The following CEP126 variants were observed in gnomAD, a reference collection of about 807,000 sequenced individuals.
CEP126 encodes the protein centrosomal protein of 126 kDa.
Under a neutral mutation model 107.8 loss-of-function variants are expected in CEP126, and 74 were observed. That is an observed-to-expected ratio of 0.69 (90% confidence interval 0.57 to 0.83). The LOEUF is 0.83. Ranked by LOEUF, CEP126 falls within the 40% of genes least tolerant of loss-of-function variation. The pLI, the probability that CEP126 is intolerant of heterozygous loss-of-function variation, is 0.00. For synonymous variants in CEP126, 449 were observed against 446.0 expected, an observed-to-expected ratio of 1.01 and a Z score of -0.08; for missense variants, 1,237 against 1,281.9, an observed-to-expected ratio of 0.96 and a Z score of 0.53.
intron 6 of CEP126, among the ~76,000 whole-genome samples, chr11:101,977,903 C>T (rs999040626): frequency 4.6e-5 from 7 of 152,158 alleles, no homozygotes; most frequent in Admixed American, 4.6e-4. Flanking sequence ...GGAATTTTAA[C>T]TCTTCTTTTA....
chr11:101,922,411 C>T (rs886639962), intron 1 of CEP126, among the ~76,000 whole-genome samples: 6 of 152,044 alleles, frequency 3.9e-5, no homozygotes, highest in African/African-American at 1.4e-4. Context: ...GATCTTTCTG[C>T]CTCAGCCTCC....
At chr11:101,987,673 A>C (rs1941331399) in intron 9 of CEP126, among the ~76,000 whole-genome samples, 1 of 152,106 alleles carries the variant, frequency 6.6e-6, no homozygotes, top group Admixed American at 6.5e-5. Flanking sequence ...TCTAAAAAAA[A>C]AAAAAAGGCT....
At chr11:101,939,126 CT>C (rs1462694548) in intron 2 of CEP126, among the ~76,000 whole-genome samples, 1 of 152,058 alleles carries the variant, frequency 6.6e-6, no homozygotes, top group Non-Finnish European at 1.5e-5. Context: ...CTTACTGATA[CT>C]TTTTTCCAGA....
At chr11:101,949,339 CATATT>C (rs1940779631) in intron 4 of CEP126, among the ~76,000 whole-genome samples, 1 of 152,170 alleles carries the variant, frequency 6.6e-6, no homozygotes, top group African/African-American at 2.4e-5. Flanking sequence ...TCTTTTTAAA[CATATT>C]ATTCCAATCC....
At chr11:101,947,005 A>G (rs193074749) in intron 3 of CEP126, among the ~76,000 whole-genome samples, 1 of 152,296 alleles carries the variant, frequency 6.6e-6, no homozygotes, top group Admixed American at 6.5e-5. Context: ...TCAGCAGACT[A>G]TCCTGTAGCT....
intron 2 of CEP126, among the ~76,000 whole-genome samples, chr11:101,942,663 T>C (rs371909837): frequency 6.6e-6 from 1 of 151,714 alleles, no homozygotes; most frequent in South Asian, 2.1e-4. Flanking sequence ...AAAAAAAAAG[T>C]CATTGGAATT....
Position 101,992,762 on chromosome 11 carries a change from G to GAT in CEP126, c.3245-12_3245-11dup. The GAT allele has an allele frequency of 1.5e-6, 2 of 1,311,794 alleles. No homozygotes were observed. The highest frequency in any genetic ancestry group is 1.1e-6 in the Non-Finnish European group (1 of 950,014). 81.3% of individuals were successfully genotyped at this position (1,311,794 alleles called of 1,614,324 possible). The stretch of plus-strand genomic sequence containing the variant: ...TGTAACTAAATTATTTTGGTATTGT[G>GAT]ATATAATTATTTCAGATATACAAGA... On this transcript the variant is annotated splice_polypyrimidine_tract_variant and intron_variant, in intron 9 of 10. Coordinates refer to ENST00000263468, the MANE Select transcript of CEP126 (RefSeq NM_020802.4).
intron 9 of CEP126, among the ~76,000 whole-genome samples, chr11:101,992,146 CTA>C (rs897672275): frequency 6.8e-5 from 9 of 133,022 alleles, no homozygotes; most frequent in Non-Finnish European, 1.1e-4. Flanking sequence ...AAAATTAAAA[CTA>C]TTTTTAAAAA....
chr11:101,954,531 A>G (rs553548598), intron 4 of CEP126, among the ~76,000 whole-genome samples: 332 of 152,258 alleles, frequency 2.2e-3, no homozygotes, highest in Middle Eastern at 6.8e-3. Flanking sequence ...TTTTATAGAA[A>G]TGATCTTCAT....
At position 101,922,633 on chromosome 11, in the gene CEP126, A is replaced by ATC; in HGVS notation, c.129-7_129-6dup. 1 of 1,597,414 alleles carries ATC rather than the reference A, an allele frequency of 6.3e-7. No homozygotes were observed. The highest frequency in any genetic ancestry group is 8.6e-7 in the Non-Finnish European group (1 of 1,165,686). On this transcript the variant is annotated splice_region_variant and splice_polypyrimidine_tract_variant and intron_variant, in intron 1 of 10. Transcript: ENST00000263468. ...AGACCATTGTTCTTAACTTAATGCT[A>ATC]TCATTAGAGATATGAAAATCCATCT...
intron 4 of CEP126, chr11:101,956,312 C>A (rs771171422): frequency 2.2e-6 from 1 of 456,204 alleles, no homozygotes; most frequent in Admixed American, 2.4e-5. Flanking sequence ...TGTTTTGAAG[C>A]CTTCCTGTTT....
chr11:101,956,142 C>G, intron 4 of CEP126: 1 of 456,650 alleles, frequency 2.2e-6, no homozygotes, highest in Non-Finnish European at 4.4e-6. Context: ...CCAATCATTC[C>G]TGACCCTGAG....
At position 101,978,359 on chromosome 11, in the gene CEP126, T is replaced by G. The variant is rs199774826; in HGVS notation, c.2858T>G (p.Met953Arg). 6.2e-7 allele frequency: 1 copy of G among 1,612,060 alleles called. No individual in the cohort carries two copies. Residue 953 changes from methionine to arginine, a missense_variant, in exon 7 of 11, where the codon ATG becomes AGG. By Grantham distance (91) the Met-to-Arg change is moderately conservative. Coordinates refer to ENST00000263468, the MANE Select transcript of CEP126 (RefSeq NM_020802.4). ...GCATTTGTTTAAGGGTCTACTGTTA[T>G]GAGAAGAAAACGAATTGCTGAAACT... The part of the protein sequence containing the change: ...QNKRATGSTV[M>R]RRKRIAETKR...
chr11:101,928,707 A>G (rs1940447530), intron 2 of CEP126, among the ~76,000 whole-genome samples: 1 of 152,116 alleles, frequency 6.6e-6, no homozygotes, highest in African/African-American at 2.4e-5. Context: ...GCATATTTGT[A>G]TGCATCTATT....
At chr11:101,980,269 G>A (rs938607641) in intron 7 of CEP126, among the ~76,000 whole-genome samples, 2 of 151,900 alleles carry the variant, frequency 1.3e-5, no homozygotes, top group Non-Finnish European at 2.9e-5. Context: ...CCCATCCAAC[G>A]TCTCAAAATG....
In CEP126 at chr11:101,915,128, C is replaced by T; in HGVS notation, c.-157C>T. On this transcript the variant is annotated 5_prime_UTR_variant, in exon 1 of 11. Coordinates refer to ENST00000263468, the MANE Select transcript of CEP126 (RefSeq NM_020802.4). ...GCCGCTACAGGCACCAGTGCCGCTG[C>T]GCGGGAGCTAGGGCTGTCGAGGCCA... 11 of 1,128,288 alleles carry T rather than the reference C, an allele frequency of 9.7e-6. No homozygotes were observed. Among genetic ancestry groups the T allele is most frequent in the East Asian group, 2.7e-5 (1 of 37,704 alleles). 69.9% of individuals were successfully genotyped at this position (1,128,288 alleles called of 1,614,324 possible). A position where few individuals can be genotyped will look rare whatever the true frequency, so the allele number is the denominator to read the frequency against.
At chr11:101,944,548 T>A in intron 3 of CEP126, 138 bp downstream of exon 3, 1 of 765,926 alleles carries the variant, frequency 1.3e-6, no homozygotes, top group South Asian at 2.0e-5. Context: ...AAAAGCACTT[T>A]AACCAAAGAA....
At chr11:101,955,426 C>T (rs182214684) in intron 4 of CEP126, among the ~76,000 whole-genome samples, 133 of 152,286 alleles carry the variant, frequency 8.7e-4, no homozygotes, top group African/African-American at 2.1e-3. Flanking sequence ...TCCTGAACTA[C>T]GTGCTACACT....
In CEP126 at chr11:101,958,256, GAA is replaced by G. The variant is rs754650979; in HGVS notation, c.597_598del (p.Glu199AspfsTer3). On this transcript the variant is annotated frameshift_variant, in exon 5 of 11. Coordinates refer to ENST00000263468, the MANE Select transcript of CEP126 (RefSeq NM_020802.4). LOFTEE classifies it high-confidence loss of function. ...QLLSKINCEK[E>X]MNENMRATLA... is the part of the protein sequence containing the mutation. The stretch of plus-strand genomic sequence containing the variant: ...CTTATCCAAAATCAATTGTGAGAAA[GAA>G]ATGAATGAAAACATGAGGGCAACCT... 4.3e-6 allele frequency: 7 copies of G among 1,613,976 alleles called. No individual in the cohort carries two copies. The highest frequency in any genetic ancestry group is 5.9e-6 in the Non-Finnish European group (7 of 1,179,910).
Sources: allele counts gnomAD v4.1 joint callset (sites outside exome capture counted in the v4.1 genomes callset), GRCh38; gene constraint gnomAD v4.1.1; transcripts MANE v1.5; gene names NCBI Gene and HGNC (gene_info 2026-07-23, HGNC 2026-07-21).